The following ZNF317 variants were observed in gnomAD, a reference collection of about 807,000 sequenced individuals.
The protein encoded by ZNF317 is KRAB-containing zinc finger protein 317.
In ZNF317, 17 loss-of-function variants were observed where a neutral mutation model predicts 23.4. That is an observed-to-expected ratio of 0.73 (90% CI 0.50 to 1.09). The LOEUF (loss-of-function observed/expected upper bound fraction) is 1.09, where lower values mean the gene tolerates loss of function less well. ZNF317 is among the 50% of genes least tolerant of loss of function. The pLI, the probability that ZNF317 is intolerant of heterozygous loss-of-function variation, is 0.00. For missense variants in ZNF317, 679 were observed against 796.7 expected, an observed-to-expected ratio of 0.85 and a Z score of 1.78; for synonymous variants, 317 against 314.9, an observed-to-expected ratio of 1.01 and a Z score of -0.07.
intron 1 of ZNF317, among the ~76,000 whole-genome samples, chr19:9,152,317 G>A (rs920180080): frequency 1.3e-5 from 2 of 152,146 alleles, no homozygotes; most frequent in African/African-American, 4.8e-5. Flanking sequence ...CAAGGAATTT[G>A]ATACATCTAG....
At chr19:9,148,351 C>A (rs1568311585) in intron 1 of ZNF317, among the ~76,000 whole-genome samples, 1 of 152,210 alleles carries the variant, frequency 6.6e-6, no homozygotes, top group South Asian at 2.1e-4. Flanking sequence ...CGACAAGGTT[C>A]CACAGACTGA....
Position 9,157,326 on chromosome 19 carries a change from T to C in ZNF317, c.221T>C (p.Leu74Pro), listed in dbSNP as rs1200606852. ...TTTACCGAGAAGGAGTGGCCCTTGC[T>C]GGATTCTTCTCAGAGAAAACTGTAC... ...VDFTEKEWPLLDSSQRKLYKD... is the reference protein window; with the variant it reads ...VDFTEKEWPLPDSSQRKLYKD... The change falls in exon 4 of 7, where the codon CTG becomes CCG. Residue 74 changes from leucine (L) to proline (P), a missense_variant. By Grantham distance (98) the Leu-to-Pro change is moderately conservative. Transcript: ENST00000247956. 4.3e-6 allele frequency: 7 copies of C among 1,614,084 alleles called. No individual in the cohort carries two copies. The highest frequency in any genetic ancestry group is 5.9e-6 in the Non-Finnish European group (7 of 1,179,990).
At chr19:9,157,567 G>A in intron 4 of ZNF317, 173 bp downstream of exon 4, 2 of 795,264 alleles carry the variant, frequency 2.5e-6, no homozygotes, top group East Asian at 2.9e-5. Flanking sequence ...TCTATTGCAG[G>A]GACCATGGTG....
rs1380538851 is a variant in ZNF317 at position 9,157,663 on chromosome 19, T to C, written c.289+269T>C. 4.9e-6 allele frequency: 3 copies of C among 608,278 alleles called. No individual in the cohort carries two copies. In the African/African-American group the frequency reaches 5.8e-5, roughly 12 times the overall value. 37.7% of individuals were successfully genotyped at this position (608,278 alleles called of 1,614,324 possible). ...TGGAGGGTCAGTGTGTGGGTACTTG[T>C]GATCTTATTTCCTATTTCTTTTTTT... On this transcript the variant is annotated intron_variant, in intron 4 of 6. Coordinates refer to ENST00000247956, the MANE Select transcript of ZNF317 (RefSeq NM_020933.5).
chr19:9,161,220 G>A lies in ZNF317; in HGVS notation c.1575G>A (p.Thr525=), dbSNP rs759272450. 21 of 1,614,174 alleles carry A rather than the reference G, an allele frequency of 1.3e-5. No homozygotes were observed. Among genetic ancestry groups the A allele is most frequent in the Middle Eastern group, 3.3e-4 (2 of 6,062 alleles). The change falls in exon 7 of 7, where the codon ACG becomes ACA. Residue 525 remains threonine, a synonymous_variant. Coordinates refer to ENST00000247956, the MANE Select transcript of ZNF317 (RefSeq NM_020933.5). The surrounding 1 kb of genome is among the most constrained non-coding windows in gnomAD (Gnocchi z 4.0). ...TGAAGACGCACATGCGAAGCCACAC[G>A]GGGGAGAAACCGTACGAATGCGATC... The part of the protein sequence containing the change: ...STLKTHMRSH[T]GEKPYECDHC...
At chr19:9,158,123 C>T (rs1167708213) in intron 5 of ZNF317, 48 bp downstream of exon 5, 2 of 1,522,786 alleles carry the variant, frequency 1.3e-6, no homozygotes, top group Non-Finnish European at 1.8e-6. Context: ...TACCTCTATT[C>T]AGTGACTGGG....
At chr19:9,158,110 C>T (rs1401442690) in intron 5 of ZNF317, 35 bp downstream of exon 5, 4 of 1,538,514 alleles carry the variant, frequency 2.6e-6, no homozygotes, top group Non-Finnish European at 3.5e-6. Flanking sequence ...GGTGCTGTGA[C>T]TCTACCTCTA....
In ZNF317 at chr19:9,157,357, T is replaced by C; in HGVS notation, c.252T>C (p.Asp84=). ...LDSSQRKLYK[D]VMLENYSNLT... ...CTTCTCAGAGAAAACTGTACAAAGA[T>C]GTAATGCTGGAGAACTACAGCAACC... The change falls in exon 4 of 7, where the codon GAT becomes GAC. Residue 84 remains aspartate, a synonymous_variant. Coordinates refer to ENST00000247956, the MANE Select transcript of ZNF317 (RefSeq NM_020933.5). The C allele has an allele frequency of 6.2e-7, 1 of 1,614,036 alleles. No homozygotes were observed. The highest frequency in any genetic ancestry group is 8.5e-7 in the Non-Finnish European group (1 of 1,180,000).
rs906493433 is a variant in ZNF317, at chr19:9,145,121, T to A, written c.-93+4529T>A. Among the ~76,000 whole-genome samples, 9 of 152,132 alleles carry A rather than the reference T, an allele frequency of 5.9e-5. No individual in the cohort carries two copies. The East Asian group carries it at 1.3e-3, about 23-fold the overall frequency. Reference sequence around the variant, plus strand: ...GTGCAATGGCGTAATCTCGTCTCACTGCAACTTCTGCCTCCTGGGTTCCAG... The same window carrying A: ...GTGCAATGGCGTAATCTCGTCTCACAGCAACTTCTGCCTCCTGGGTTCCAG... On this transcript the variant is annotated intron_variant, in intron 1 of 6. Transcript: ENST00000247956.
chr19:9,149,330 C>T (rs567065193), intron 1 of ZNF317, among the ~76,000 whole-genome samples: 3 of 152,016 alleles, frequency 2.0e-5, no homozygotes, highest in Admixed American at 6.6e-5. Context: ...AAAAATTAGC[C>T]GGACACAGTG....
chr19:9,155,917 T>C lies in ZNF317; in HGVS notation c.-92-8T>C. On this transcript the variant is annotated splice_polypyrimidine_tract_variant and splice_region_variant and intron_variant, in intron 1 of 6. Transcript: ENST00000247956. ...TCACTACTCCCGATGTTCTTTCATTTGCTACAGATGCCAGCTTGGAGAGTC... is the reference window on the plus strand; with the variant it reads ...TCACTACTCCCGATGTTCTTTCATTCGCTACAGATGCCAGCTTGGAGAGTC... 6.9e-7 allele frequency: 1 copy of C among 1,451,214 alleles called. No individual in the cohort carries two copies. The highest frequency in any genetic ancestry group is 9.7e-7 in the Non-Finnish European group (1 of 1,032,492). 89.9% of individuals were successfully genotyped at this position (1,451,214 alleles called of 1,614,324 possible).
In ZNF317 at chr19:9,152,882, G is replaced by T. The variant is rs114486935; in HGVS notation, c.-92-3043G>T. On this transcript the variant is annotated intron_variant, in intron 1 of 6. Coordinates refer to ENST00000247956, the MANE Select transcript of ZNF317 (RefSeq NM_020933.5). ...CTAGTGTAGATGATCTAATGTGTTG[G>T]TGCATAATTGTTCATGGCATTCTCT... is the stretch of plus-strand genomic sequence containing the variant. 2.6e-3 allele frequency among the ~76,000 whole-genome samples: 403 copies of T among 152,170 alleles called. 2 individuals carry two copies. Among genetic ancestry groups the T allele is most frequent in the African/African-American group, 8.9e-3 (369 of 41,516 alleles).
intron 6 of ZNF317, among the ~76,000 whole-genome samples, chr19:9,159,354 G>A (rs1040238691): frequency 1.3e-5 from 2 of 152,148 alleles, no homozygotes; most frequent in East Asian, 1.9e-4. Context: ...GACTATAGGC[G>A]TGTGCCACCA....
In ZNF317 at chr19:9,158,829, G is replaced by A. The variant is rs955499808; in HGVS notation, c.389G>A (p.Trp130Ter). Residue 130 changes from tryptophan to a stop codon, truncating the protein, a stop_gained, in exon 6 of 7, where the codon TGG becomes TAG. Transcript: ENST00000247956. LOFTEE classifies it high-confidence loss of function. ...ATACTTTTCCAATTTGTTTCAGATT[G>A]GGAGACTCCATCTAAAACCAAGTGG... ...RGAHQGACAD[W>*]ETPSKTKWSL... The A allele has an allele frequency of 1.2e-6, 2 of 1,601,838 alleles. No homozygotes were observed. The highest frequency in any genetic ancestry group is 1.7e-6 in the Non-Finnish European group (2 of 1,168,876).
chr19:9,159,703 T>A (rs1600230840), intron 6 of ZNF317, among the ~76,000 whole-genome samples: 2 of 152,170 alleles, frequency 1.3e-5, no homozygotes, highest in African/African-American at 4.8e-5. Flanking sequence ...TGCACCACCA[T>A]GCCCAGCTAA....
Position 9,163,280 on chromosome 19 carries a change from C to T in ZNF317, c.*1847C>T, listed in dbSNP as rs916524739. On this transcript the variant is annotated 3_prime_UTR_variant, in exon 7 of 7. Transcript: ENST00000247956. ...CGACCGTGCATATGAAAACCACAGT[C>T]TAAGGAAGTGACTGCAGAAAGCTCA... is the stretch of plus-strand genomic sequence containing the variant. 1 of 152,210 alleles carries T rather than the reference C, an allele frequency of 6.6e-6. No individual in the cohort carries two copies. Among genetic ancestry groups the T allele is most frequent in the African/African-American group, 2.4e-5 (1 of 41,446 alleles). The allele number at this position is 152,210 out of a possible 1,614,324, so 9.4% of individuals were successfully genotyped here. A position where few individuals can be genotyped will look rare whatever the true frequency, so the allele number is the denominator to read the frequency against.
At chr19:9,158,317 T>C (rs1248241240) in intron 5 of ZNF317, among the ~76,000 whole-genome samples, 2 of 151,680 alleles carry the variant, frequency 1.3e-5, no homozygotes, top group African/African-American at 4.8e-5. Flanking sequence ...ATCATCCGCT[T>C]TCTGTCATTA....
At chr19:9,143,319 T>C (rs74322588) in intron 1 of ZNF317, among the ~76,000 whole-genome samples, 36,770 of 151,988 alleles carry the variant, frequency 0.24, 4,925 homozygotes, top group African/African-American at 0.37. Flanking sequence ...TCTGGCTTGA[T>C]TGAACCACTT....
At chr19:9,152,711 A>G (rs200274085) in intron 1 of ZNF317, among the ~76,000 whole-genome samples, 3 of 152,202 alleles carry the variant, frequency 2.0e-5, no homozygotes, top group Admixed American at 6.5e-5. Flanking sequence ...TTTACCATAT[A>G]TTACAATGTA....
Sources: allele counts gnomAD v4.1 joint callset (sites outside exome capture counted in the v4.1 genomes callset), GRCh38; gene constraint gnomAD v4.1.1; non-coding constraint Gnocchi (gnomAD v3.1); transcripts MANE v1.5; gene names NCBI Gene and HGNC (gene_info 2026-07-23, HGNC 2026-07-21).